PIBF1: variants seen among roughly 807,000 people sequenced by gnomAD.
PIBF1 encodes the protein progesterone-induced-blocking factor 1.
A neutral mutation model predicts 112.5 loss-of-function variants in PIBF1; 90 were observed. The observed-to-expected ratio is 0.80, with a 90% confidence interval of 0.67 to 0.95. The LOEUF (loss-of-function observed/expected upper bound fraction) is 0.95. Among genes scored for constraint, PIBF1 ranks in the 40% least tolerant of loss-of-function variants. The pLI is 0.00. For missense variants in PIBF1, 915 were observed against 852.3 expected, an observed-to-expected ratio of 1.07 and a Z score of -0.92; for synonymous variants, 301 against 288.6, an observed-to-expected ratio of 1.04 and a Z score of -0.44.
chr13:72,895,725 T>TGATCCAGATTGTGAATTTTA (rs148433094), intron 11 of PIBF1, among the ~76,000 whole-genome samples: 22,982 of 118,504 alleles, frequency 0.19, 2,117 homozygotes, highest in Non-Finnish European at 0.26. Context: ...CTTAGAAGGT[T>TGATCCAGATTGTGAATTTTA]GATCCAGATT....
rs750662304 is a variant in PIBF1, at chr13:72,795,401, G to C, written c.396G>C (p.Leu132Phe). Residue 132 changes from leucine to phenylalanine, a missense_variant, in exon 4 of 18, where the codon TTG (leucine) becomes TTC (phenylalanine). Physicochemically the swap from Leu to Phe is conservative, Grantham distance 22. Coordinates refer to ENST00000326291, the MANE Select transcript of PIBF1 (RefSeq NM_006346.4). Reference sequence around the variant, plus strand: ...TGAAACAAGAAATGGAAACCATTTTGTTGAGACAGAAACAACTAGAAGAGA... The same window carrying C: ...TGAAACAAGAAATGGAAACCATTTTCTTGAGACAGAAACAACTAGAAGAGA... ...ELMKQEMETI[L>F]LRQKQLEETN... is the part of the protein sequence containing the mutation. The C allele has an allele frequency of 2.5e-6, 4 of 1,604,300 alleles. No individual in the cohort carries two copies. The highest frequency in any genetic ancestry group is 3.4e-6 in the Non-Finnish European group (4 of 1,177,032).
chr13:72,787,306 A>C (rs188763545), intron 2 of PIBF1, among the ~76,000 whole-genome samples: 8 of 152,242 alleles, frequency 5.3e-5, no homozygotes, highest in East Asian at 3.9e-4. Context: ...TTTTGTCTTT[A>C]TGTGTGAAGC....
Position 72,894,156 on chromosome 13 carries a change from A to G in PIBF1, c.1488+207A>G, listed in dbSNP as rs188056079. Among the ~76,000 whole-genome samples, 236 of 152,020 alleles carry G rather than the reference A, an allele frequency of 1.6e-3. 2 individuals carry two copies. Among genetic ancestry groups the G allele is most frequent in the African/African-American group, 5.4e-3 (226 of 41,552 alleles). On this transcript the variant is annotated intron_variant, in intron 11 of 17. Coordinates refer to ENST00000326291, the MANE Select transcript of PIBF1 (RefSeq NM_006346.4). The stretch of plus-strand genomic sequence containing the variant: ...TGAGAAACAAAAAAAGCAAGAAAAG[A>G]TGTCATTCACAATAGCAACCAAAAA...
At chr13:72,901,733 T>A (rs566021256) in intron 11 of PIBF1, among the ~76,000 whole-genome samples, 5 of 150,594 alleles carry the variant, frequency 3.3e-5, no homozygotes, top group Admixed American at 3.3e-4. Context: ...GATGCGGCGA[T>A]CAGGGAACAC....
intron 10 of PIBF1, among the ~76,000 whole-genome samples, chr13:72,875,783 G>T (rs911894748): frequency 4.6e-5 from 7 of 152,036 alleles, no homozygotes; most frequent in Admixed American, 4.6e-4. Flanking sequence ...TTTTTAATAG[G>T]GTTGTTTGTT....
intron 9 of PIBF1, among the ~76,000 whole-genome samples, chr13:72,846,261 G>T (rs564721305): frequency 6.6e-6 from 1 of 152,164 alleles, no homozygotes; most frequent in East Asian, 1.9e-4. Context: ...CACTTGCCCA[G>T]ACCAAAAACC....
intron 10 of PIBF1, among the ~76,000 whole-genome samples, chr13:72,875,105 T>TTAAA (rs2039340007): frequency 6.6e-6 from 1 of 152,236 alleles, no homozygotes; most frequent in Non-Finnish European, 1.5e-5. Context: ...CATTACTATA[T>TTAAA]TATTTTACTG....
intron 15 of PIBF1, among the ~76,000 whole-genome samples, chr13:72,967,653 A>G (rs1000577007): frequency 2.0e-5 from 3 of 152,186 alleles, no homozygotes; most frequent in Non-Finnish European, 4.4e-5. Flanking sequence ...GTAGTGTATC[A>G]TAGTGATTAA....
At chr13:72,908,399 A>T (rs533664868) in intron 11 of PIBF1, 132 bp from the exon 12 acceptor site, 8 of 420,640 alleles carry the variant, frequency 1.9e-5, no homozygotes, top group Admixed American at 8.5e-5. Context: ...CTCATTAGTC[A>T]TCTTAATTGA....
intron 14 of PIBF1, among the ~76,000 whole-genome samples, chr13:72,935,517 CT>C (rs2041843108): frequency 6.6e-6 from 1 of 152,108 alleles, no homozygotes; most frequent in Non-Finnish European, 1.5e-5. Context: ...ACATACAAGT[CT>C]TTGTATGGAC....
intron 5 of PIBF1, among the ~76,000 whole-genome samples, chr13:72,803,426 G>T (rs986324099): frequency 1.9e-4 from 29 of 151,990 alleles, no homozygotes; most frequent in African/African-American, 5.8e-4. Flanking sequence ...TATGTTTAAG[G>T]CTCCCCACTT....
At chr13:72,821,743 T>G in intron 5 of PIBF1, 106 bp from the exon 6 acceptor site, 1 of 755,650 alleles carries the variant, frequency 1.3e-6, no homozygotes. Flanking sequence ...TTTTTACTGT[T>G]TAATTACAAG....
At chr13:72,875,830 G>A (rs1482011406) in intron 10 of PIBF1, among the ~76,000 whole-genome samples, 1 of 152,054 alleles carries the variant, frequency 6.6e-6, no homozygotes, top group Non-Finnish European at 1.5e-5. Flanking sequence ...GTATATTTTG[G>A]ATAACAACCC....
chr13:72,981,595 G>A lies in PIBF1; in HGVS notation c.2049+7920G>A, dbSNP rs978702544. Among the ~76,000 whole-genome samples, 4 of 152,172 alleles carry A rather than the reference G, an allele frequency of 2.6e-5. No individual in the cohort carries two copies. The South Asian group carries it at 6.2e-4, about 24-fold the overall frequency. On this transcript the variant is annotated intron_variant, in intron 16 of 17. Transcript: ENST00000326291. Reference sequence around the variant, plus strand: ...ATGTTTTCTAATAGAAAGAGATGTGGTACAGTCAGTGTTTTGAGAAAAATG... The same window carrying A: ...ATGTTTTCTAATAGAAAGAGATGTGATACAGTCAGTGTTTTGAGAAAAATG...
At chr13:73,000,276 C>G (rs1029092) in intron 17 of PIBF1, among the ~76,000 whole-genome samples, 43,145 of 152,074 alleles carry the variant, frequency 0.28, 7,394 homozygotes, top group East Asian at 0.57. Flanking sequence ...AGCCCTTTGT[C>G]TTGAAACAGG....
chr13:72,923,837 G>A (rs974227022), intron 13 of PIBF1, among the ~76,000 whole-genome samples: 2 of 152,218 alleles, frequency 1.3e-5, no homozygotes, highest in Non-Finnish European at 1.5e-5. Context: ...AGTGGTGGGC[G>A]CCTGTAATCC....
intron 14 of PIBF1, among the ~76,000 whole-genome samples, chr13:72,947,270 G>A (rs967662214): frequency 1.3e-5 from 2 of 152,188 alleles, no homozygotes; most frequent in African/African-American, 4.8e-5. Flanking sequence ...GGCCCGAGCT[G>A]TACATTGGCC....
chr13:72,957,439 CACTT>C (rs1424653240), intron 14 of PIBF1, among the ~76,000 whole-genome samples: 1 of 152,134 alleles, frequency 6.6e-6, no homozygotes, highest in African/African-American at 2.4e-5. Flanking sequence ...CATACGCTCT[CACTT>C]ACAAGTCACA....
intron 2 of PIBF1, among the ~76,000 whole-genome samples, chr13:72,789,838 T>C (rs1426358153): frequency 6.6e-6 from 1 of 152,178 alleles, no homozygotes; most frequent in Non-Finnish European, 1.5e-5. Context: ...ATAGTGACTC[T>C]CAAAAAGTTT....
Sources: allele counts gnomAD v4.1 joint callset (sites outside exome capture counted in the v4.1 genomes callset), GRCh38; gene constraint gnomAD v4.1.1; transcripts MANE v1.5; gene names NCBI Gene and HGNC (gene_info 2026-07-23, HGNC 2026-07-21).